Variants in ACYP2 observed in about 807,000 individuals in gnomAD.
ACYP2 encodes the protein acylphosphatase 2.
A neutral mutation model predicts 11.2 loss-of-function variants in ACYP2; 12 were observed. That is an observed-to-expected ratio of 1.08 (90% CI 0.69 to 1.74). The LOEUF (loss-of-function observed/expected upper bound fraction) is 1.74, where lower values mean the gene tolerates loss of function less well. Ranked by LOEUF, ACYP2 falls within the 40% of genes most tolerant of loss-of-function variation. The probability of loss-of-function intolerance (pLI) is 0.00; values close to 1 mark genes in which losing one functional copy is unlikely to be tolerated. For missense variants in ACYP2, 134 were observed against 101.9 expected (o/e 1.31, Z -1.35); for synonymous variants, 43 against 32.2 (o/e 1.33, Z -1.13).
At chr2:54,157,252 A>T (rs899673755) in intron 6 of ACYP2, among the ~76,000 whole-genome samples, 2 of 152,108 alleles carry the variant, frequency 1.3e-5, no homozygotes, top group Non-Finnish European at 1.5e-5. Context: ...TTATTATTTT[A>T]AAAAAACCTA....
intron 6 of ACYP2, among the ~76,000 whole-genome samples, chr2:54,195,257 A>G (rs1684413292): frequency 6.6e-6 from 1 of 152,206 alleles, no homozygotes; most frequent in Non-Finnish European, 1.5e-5. Flanking sequence ...CAATTTACCT[A>G]GCTTCATGGA....
intron 6 of ACYP2, among the ~76,000 whole-genome samples, chr2:54,188,533 A>G (rs1054583847): frequency 6.6e-6 from 1 of 152,182 alleles, no homozygotes; most frequent in African/African-American, 2.4e-5. Context: ...ACATAAACAC[A>G]TTTTTAAACC....
At chr2:54,292,502 A>G (rs1689352034) in intron 6 of ACYP2, among the ~76,000 whole-genome samples, 1 of 152,186 alleles carries the variant, frequency 6.6e-6, no homozygotes, top group Admixed American at 6.5e-5. Flanking sequence ...ATTAAAATTA[A>G]TTTTAACTAT....
intron 4 of ACYP2, among the ~76,000 whole-genome samples, chr2:54,119,538 T>G (rs1018072010): frequency 9.9e-5 from 15 of 152,244 alleles, no homozygotes; most frequent in African/African-American, 3.4e-4. Context: ...ATTAAAATAT[T>G]TGAGTGGAAA....
chr2:54,001,976 T>G (rs374870548), intron 2 of ACYP2, among the ~76,000 whole-genome samples: 2 of 152,296 alleles, frequency 1.3e-5, no homozygotes, highest in African/African-American at 4.8e-5. Flanking sequence ...AGTCATACAT[T>G]TGTTACTATT....
chr2:54,126,477 C>G (rs913371309), intron 4 of ACYP2, among the ~76,000 whole-genome samples: 2 of 151,014 alleles, frequency 1.3e-5, no homozygotes, highest in Non-Finnish European at 2.9e-5. Context: ...TTTTATCTTT[C>G]ACAAATGTAC....
At chr2:54,256,557 A>G (rs1184864807) in intron 6 of ACYP2, among the ~76,000 whole-genome samples, 1 of 152,160 alleles carries the variant, frequency 6.6e-6, no homozygotes, top group Non-Finnish European at 1.5e-5. Flanking sequence ...TGTACATGCT[A>G]GATACTAGTC....
intron 2 of ACYP2, among the ~76,000 whole-genome samples, chr2:54,036,684 T>A (rs1307787684): frequency 6.6e-6 from 1 of 152,240 alleles, no homozygotes; most frequent in South Asian, 2.1e-4. Flanking sequence ...CTCTTTGCCT[T>A]GACTTCAAGG....
At chr2:54,001,454 T>C (rs955811947) in intron 2 of ACYP2, among the ~76,000 whole-genome samples, 13 of 152,166 alleles carry the variant, frequency 8.5e-5, no homozygotes, top group Admixed American at 1.3e-4. Flanking sequence ...AGTGCAGTGG[T>C]GTGATCTCAG....
chr2:54,177,142 CTCCA>C (rs1158586424), intron 6 of ACYP2, among the ~76,000 whole-genome samples: 2 of 152,156 alleles, frequency 1.3e-5, no homozygotes, highest in African/African-American at 2.4e-5. Flanking sequence ...TTCTCCTGCC[CTCCA>C]TCCACCTCTG....
At position 54,178,709 on chromosome 2, in the gene ACYP2, T is replaced by C. The variant is rs17045569; in HGVS notation, c.404+39961T>C. ...AATACAAAGCATTTAGTGGGAAGGATTTGTAAGAGAATACAGTTTGATCAC... is the reference window on the plus strand; with the variant it reads ...AATACAAAGCATTTAGTGGGAAGGACTTGTAAGAGAATACAGTTTGATCAC... On this transcript the variant is annotated intron_variant, in intron 6 of 6. Coordinates refer to ENST00000607452, the MANE Select transcript of ACYP2 (RefSeq NM_001320586.2). Among the ~76,000 whole-genome samples, 3 of 152,256 alleles carry C rather than the reference T, an allele frequency of 2.0e-5. No individual in the cohort carries two copies. In the South Asian group the frequency reaches 6.2e-4, roughly 32 times the overall value.
At chr2:53,977,217 T>A (rs1341328287) in intron 2 of ACYP2, among the ~76,000 whole-genome samples, 1 of 152,022 alleles carries the variant, frequency 6.6e-6, no homozygotes, top group Non-Finnish European at 1.5e-5. Flanking sequence ...CCAGCTAATT[T>A]TTTATATTTT....
chr2:54,278,316 C>G (rs1688702877), intron 6 of ACYP2, among the ~76,000 whole-genome samples: 1 of 152,168 alleles, frequency 6.6e-6, no homozygotes, highest in African/African-American at 2.4e-5. Context: ...AGGTTTTTCT[C>G]TATGAAAGGT....
At chr2:54,088,852 A>C (rs1187545208) in intron 4 of ACYP2, among the ~76,000 whole-genome samples, 2 of 152,208 alleles carry the variant, frequency 1.3e-5, no homozygotes, top group East Asian at 3.8e-4. Flanking sequence ...GACAAGGACA[A>C]AGTTGTGTTT....
intron 2 of ACYP2, among the ~76,000 whole-genome samples, chr2:53,977,784 ACG>A (rs1462604674): frequency 6.6e-6 from 1 of 151,354 alleles, no homozygotes; most frequent in Non-Finnish European, 1.5e-5. Flanking sequence ...GGATCCAGTA[ACG>A]CTGCCTCAAA....
At chr2:54,005,249 C>T (rs1673003350) in intron 2 of ACYP2, among the ~76,000 whole-genome samples, 1 of 151,916 alleles carries the variant, frequency 6.6e-6, no homozygotes, top group Non-Finnish European at 1.5e-5. Context: ...TATCCAGTTA[C>T]TCTAGCACCA....
At chr2:54,065,908 T>C in intron 4 of ACYP2, 1 of 166,952 alleles carries the variant, frequency 6.0e-6, no homozygotes, top group Non-Finnish European at 1.3e-5. Flanking sequence ...ACGTGCTGCT[T>C]ACCGGTGTTC....
chr2:54,274,269 G>A (rs943388862), intron 6 of ACYP2, among the ~76,000 whole-genome samples: 1 of 152,048 alleles, frequency 6.6e-6, no homozygotes, highest in African/African-American at 2.4e-5. Context: ...TGCAAGAACA[G>A]GGCAGGAAAG....
At chr2:54,265,831 T>C (rs1382627116) in intron 6 of ACYP2, among the ~76,000 whole-genome samples, 1 of 152,248 alleles carries the variant, frequency 6.6e-6, no homozygotes, top group Non-Finnish European at 1.5e-5. Context: ...AGAATTGTTG[T>C]GAAGCACAGA....
Sources: allele counts gnomAD v4.1 joint callset (sites outside exome capture counted in the v4.1 genomes callset), GRCh38; gene constraint gnomAD v4.1.1; transcripts MANE v1.5; gene names NCBI Gene and HGNC (gene_info 2026-07-23, HGNC 2026-07-21).